PLPP1: variants seen among roughly 807,000 people sequenced by gnomAD.
The protein encoded by PLPP1 is lipid phosphate phosphohydrolase 1a.
Under a neutral mutation model 31.2 loss-of-function variants are expected in PLPP1, and 24 were observed. The observed-to-expected ratio is 0.77, with a 90% CI of 0.56 to 1.08. The LOEUF (loss-of-function observed/expected upper bound fraction) is 1.08. PLPP1 is among the 50% of genes least tolerant of loss of function. The pLI is 0.00. For synonymous variants in PLPP1, 146 were observed against 126.3 expected, an observed-to-expected ratio of 1.16 and a Z score of -1.05; for missense variants, 319 against 342.7, an observed-to-expected ratio of 0.93 and a Z score of 0.55.
Position 55,426,042 on chromosome 5 carries a change from AAAAGAAAAGAAT to A in PLPP1, c.550-15_550-4del, listed in dbSNP as rs748368263. 2 of 1,575,364 alleles carry A rather than the reference AAAAGAAAAGAAT, an allele frequency of 1.3e-6. No homozygotes were observed. The highest frequency in any genetic ancestry group is 1.7e-4 in the Middle Eastern group (1 of 5,862). On this transcript the variant is annotated splice_polypyrimidine_tract_variant and splice_region_variant and intron_variant, in intron 4 of 5. Transcript: ENST00000307259. ...TTCATCCTGGCTTGAAGATAAAGCTAAAAGAAAAGAATAAAGAAAAAAATAGTTTATTTAACA... is the reference window on the plus strand; with the variant it reads ...TTCATCCTGGCTTGAAGATAAAGCTAAAAGAAAAAAATAGTTTATTTAACA...
intron 3 of PLPP1, among the ~76,000 whole-genome samples, chr5:55,446,786 A>G (rs1228805276): frequency 2.6e-5 from 4 of 152,186 alleles, no homozygotes; most frequent in African/African-American, 4.8e-5. Context: ...TGTGTTTAAG[A>G]ATTCTTTTTA....
chr5:55,506,810 T>C (rs982310993), intron 1 of PLPP1, among the ~76,000 whole-genome samples: 69 of 152,330 alleles, frequency 4.5e-4, no homozygotes, highest in African/African-American at 1.5e-3. Context: ...ATGAACCCTT[T>C]CATTTTCTCC....
intron 4 of PLPP1, among the ~76,000 whole-genome samples, chr5:55,428,993 C>T (rs1163920395): frequency 3.3e-5 from 5 of 152,056 alleles, no homozygotes; most frequent in Admixed American, 2.6e-4. Flanking sequence ...GACCACATAG[C>T]CCTGCCTTCT....
chr5:55,530,628 C>A, intron 1 of PLPP1: 2 of 1,579,022 alleles, frequency 1.3e-6, no homozygotes, highest in Non-Finnish European at 1.7e-6. Flanking sequence ...CTGTTTTGCA[C>A]AGCATCTGCA....
intron 1 of PLPP1, among the ~76,000 whole-genome samples, chr5:55,510,535 C>T (rs1201351159): frequency 2.0e-5 from 3 of 152,224 alleles, no homozygotes; most frequent in African/African-American, 7.2e-5. Flanking sequence ...TCTTACTATA[C>T]ATTTTTAAAA....
At chr5:55,438,816 G>A (rs1751555111) in intron 4 of PLPP1, among the ~76,000 whole-genome samples, 1 of 151,976 alleles carries the variant, frequency 6.6e-6, no homozygotes. Flanking sequence ...CAGGAGAATG[G>A]CGTGAACCCG....
chr5:55,425,828 A>G (rs1751172050), intron 5 of PLPP1, 35 bp downstream of exon 5: 1 of 1,492,342 alleles, frequency 6.7e-7, no homozygotes. Flanking sequence ...ATGTTTAGCA[A>G]TATCAAGATG....
chr5:55,468,134 T>G lies in PLPP1; in HGVS notation c.226A>C (p.Thr76Pro). 6.3e-7 allele frequency: 1 copy of G among 1,595,096 alleles called. No individual in the cohort carries two copies. The highest frequency in any genetic ancestry group is 1.3e-5 in the African/African-American group (1 of 74,276). Residue 76 changes from threonine (T) to proline (P), a missense_variant, in exon 3 of 6, where the codon ACC (threonine) becomes CCC (proline). Transcript: ENST00000307259. ...AAAAGGTTACAGTAAACAGACAGGGTTTCTCCAAGAATAATCTGAAAAAGA... is the reference window on the plus strand; with the variant it reads ...AAAAGGTTACAGTAAACAGACAGGGGTTCTCCAAGAATAATCTGAAAAAGA... ...FSIIVIILGE[T>P]LSVYCNLLHS...
At chr5:55,460,004 T>G (rs1304533823) in intron 3 of PLPP1, among the ~76,000 whole-genome samples, 1 of 152,218 alleles carries the variant, frequency 6.6e-6, no homozygotes, top group African/African-American at 2.4e-5. Flanking sequence ...TGTAAGAAGA[T>G]AGTATATAAT....
chr5:55,482,677 T>A (rs1752695803), intron 1 of PLPP1, among the ~76,000 whole-genome samples: 1 of 152,220 alleles, frequency 6.6e-6, no homozygotes, highest in African/African-American at 2.4e-5. Flanking sequence ...GCAAGAGAGA[T>A]GTGCCTTGCC....
chr5:55,513,268 C>CTTTTTTTT lies in PLPP1; in HGVS notation c.58+21296_58+21303dup, dbSNP rs71600887. Among the ~76,000 whole-genome samples, 50 of 117,570 alleles carry CTTTTTTTT rather than the reference C, an allele frequency of 4.3e-4. 20 individuals are homozygous for CTTTTTTTT. The highest frequency in any genetic ancestry group is 6.8e-4 in the Non-Finnish European group (39 of 56,976). 77.1% of individuals were successfully genotyped at this position (117,570 alleles called of 152,430 possible). ...TATAGTATTACTACTATAATGACTC[C>CTTTTTTTT]TTTTTTTTTAAGACAGAGTCTTGCT... On this transcript the variant is annotated intron_variant, in intron 1 of 5. Transcript: ENST00000307259.
rs116604548 is a variant in PLPP1 at position 55,465,408 on chromosome 5, T to C, written c.491+2461A>G. Among the ~76,000 whole-genome samples, 261 of 152,302 alleles carry C rather than the reference T, an allele frequency of 1.7e-3. 1 individual carries two copies. Among genetic ancestry groups the C allele is most frequent in the African/African-American group, 5.9e-3 (244 of 41,566 alleles). On this transcript the variant is annotated intron_variant, in intron 3 of 5. Transcript: ENST00000307259. ...TGTATGGTATTTTTTAAAGGTTATA[T>C]GGTTAAGTTATAGATGGAAGAAGAA...
At chr5:55,433,373 A>T (rs1269633781) in intron 4 of PLPP1, among the ~76,000 whole-genome samples, 3 of 147,192 alleles carry the variant, frequency 2.0e-5, no homozygotes, top group Non-Finnish European at 4.5e-5. Context: ...TATAACAGGA[A>T]ATCAAACTGT....
Position 55,425,790 on chromosome 5 carries a change from G to T in PLPP1, c.726+73C>A, listed in dbSNP as rs1477592732. 7.3e-6 allele frequency: 6 copies of T among 818,496 alleles called. No individual in the cohort carries two copies. The African/African-American group carries it at 1.4e-4, about 19-fold the overall frequency. 50.7% of individuals were successfully genotyped at this position (818,496 alleles called of 1,614,324 possible). ...CTTCTCCTCAGCTGGGGATTTTTTG[G>T]ATTTTTTTTTTCTATTTACTTATAT... is the stretch of plus-strand genomic sequence containing the variant. On this transcript the variant is annotated intron_variant, in intron 5 of 5. Transcript: ENST00000307259.
intron 3 of PLPP1, among the ~76,000 whole-genome samples, chr5:55,443,973 G>A (rs772925329): frequency 2.3e-4 from 35 of 152,038 alleles, no homozygotes; most frequent in Non-Finnish European, 3.5e-4. Context: ...ACTCTTTATC[G>A]GAGTCTTTAG....
chr5:55,425,724 G>A (rs2111647437), intron 5 of PLPP1, 139 bp downstream of exon 5: 1 of 764,244 alleles, frequency 1.3e-6, no homozygotes, highest in Non-Finnish European at 2.0e-6. Context: ...GTATCCTGAA[G>A]TGACTTTTAA....
At chr5:55,517,553 C>G (rs1056523564) in intron 1 of PLPP1, among the ~76,000 whole-genome samples, 1 of 152,196 alleles carries the variant, frequency 6.6e-6, no homozygotes, top group East Asian at 1.9e-4. Context: ...GCAACCACCA[C>G]AAAGCTCTTC....
At chr5:55,468,173 C>G in intron 2 of PLPP1, 24 bp from the exon 3 acceptor site, 1 of 1,539,506 alleles carries the variant, frequency 6.5e-7, no homozygotes, top group Non-Finnish European at 8.8e-7. Flanking sequence ...AGAAAAATAA[C>G]ATGTTAAAGT....
At chr5:55,515,730 A>G (rs968767897) in intron 1 of PLPP1, among the ~76,000 whole-genome samples, 1 of 151,772 alleles carries the variant, frequency 6.6e-6, no homozygotes, top group Non-Finnish European at 1.5e-5. Flanking sequence ...ATTGCTTCTC[A>G]GTCTTGGTGG....
Sources: allele counts gnomAD v4.1 joint callset (sites outside exome capture counted in the v4.1 genomes callset), GRCh38; gene constraint gnomAD v4.1.1; transcripts MANE v1.5; gene names NCBI Gene and HGNC (gene_info 2026-07-23, HGNC 2026-07-21).